The following PDS5B variants were observed in gnomAD, a reference collection of about 807,000 sequenced individuals.
PDS5B encodes the protein sister chromatid cohesion protein PDS5 homolog B.
A neutral mutation model predicts 184.1 loss-of-function variants in PDS5B; 51 were observed. That is an observed-to-expected ratio of 0.28 (90% CI 0.22 to 0.35). The LOEUF (loss-of-function observed/expected upper bound fraction) is 0.35, where lower values mean the gene tolerates loss of function less well. Ranked by LOEUF, PDS5B falls within the 10% of genes least tolerant of loss-of-function variation. The pLI, the probability that PDS5B is intolerant of heterozygous loss-of-function variation, is 1.00. For missense variants in PDS5B, 1,180 were observed against 1,723.3 expected (o/e 0.68, Z 5.58); for synonymous variants, 566 against 569.2 (o/e 0.99, Z 0.08).
chr13:32,641,860 C>T (rs768001858), intron 1 of PDS5B, among the ~76,000 whole-genome samples: 8 of 152,160 alleles, frequency 5.3e-5, no homozygotes, highest in Non-Finnish European at 1.0e-4. Flanking sequence ...CTAGAGCAAA[C>T]TTTATTTTTC....
rs950898637 is a variant in PDS5B at position 32,601,372 on chromosome 13, G to C, written c.-20+14779G>C. Among the ~76,000 whole-genome samples the C allele has an allele frequency of 3.3e-5, 5 of 152,264 alleles. No homozygotes were observed. In the East Asian group the frequency reaches 7.7e-4, roughly 23 times the overall value. On this transcript the variant is annotated intron_variant, in intron 1 of 34. Transcript: ENST00000315596. Reference sequence around the variant, plus strand: ...CTAACTTAATACACACCTTGTTTTAGAATAAGATAGAAACTCAGTATTGTT... The same window carrying C: ...CTAACTTAATACACACCTTGTTTTACAATAAGATAGAAACTCAGTATTGTT...
intron 30 of PDS5B, among the ~76,000 whole-genome samples, chr13:32,762,761 G>A (rs1255987072): frequency 6.6e-6 from 1 of 151,902 alleles, no homozygotes; most frequent in Non-Finnish European, 1.5e-5. Flanking sequence ...TCATCATTTA[G>A]TTCATTTTCT....
chr13:32,724,366 C>T (rs190580887), intron 19 of PDS5B, among the ~76,000 whole-genome samples: 61 of 152,246 alleles, frequency 4.0e-4, no homozygotes, highest in African/African-American at 1.3e-3. Flanking sequence ...CACCCTTCCT[C>T]CTCAAAAATT....
At chr13:32,713,978 A>G (rs939658363) in intron 19 of PDS5B, among the ~76,000 whole-genome samples, 3 of 152,226 alleles carry the variant, frequency 2.0e-5, no homozygotes, top group African/African-American at 7.2e-5. Flanking sequence ...GACAGAGTAC[A>G]AAAGAGAGAA....
At chr13:32,659,776 T>A (rs1456042032) in intron 6 of PDS5B, among the ~76,000 whole-genome samples, 4 of 152,208 alleles carry the variant, frequency 2.6e-5, no homozygotes, top group Non-Finnish European at 5.9e-5. Context: ...TTTTAGAAAA[T>A]GACTGAATCT....
At position 32,733,205 on chromosome 13, in the gene PDS5B, G is replaced by A. The variant is rs948517548; in HGVS notation, c.2247+981G>A. On this transcript the variant is annotated intron_variant, in intron 20 of 34. Transcript: ENST00000315596. ...GATGAGAGAAACACTGATATAAGTT[G>A]AATTTCAGAGTAGTTCTTTCATTTT... 1.3e-5 allele frequency among the ~76,000 whole-genome samples: 2 copies of A among 152,126 alleles called. 1 individual carries two copies. The highest frequency in any genetic ancestry group is 1.3e-4 in the Admixed American group (2 of 15,260).
intron 1 of PDS5B, among the ~76,000 whole-genome samples, chr13:32,641,132 T>C (rs569153371): frequency 6.6e-6 from 1 of 152,298 alleles, no homozygotes; most frequent in East Asian, 1.9e-4. Context: ...ATAGGCCAGT[T>C]TTATATGACT....
intron 5 of PDS5B, 71 bp from the exon 6 acceptor site, chr13:32,659,083 T>A: frequency 9.1e-7 from 1 of 1,101,268 alleles, no homozygotes; most frequent in South Asian, 2.4e-5. Flanking sequence ...ATAATGCTTG[T>A]CAGTGTCATC....
intron 1 of PDS5B, among the ~76,000 whole-genome samples, chr13:32,618,606 T>G (rs2058252473): frequency 6.6e-6 from 1 of 152,230 alleles, no homozygotes. Flanking sequence ...TTCTCCCTAG[T>G]TTCTCCTTTG....
chr13:32,751,661 A>G (rs1341226465), intron 24 of PDS5B, among the ~76,000 whole-genome samples: 1 of 152,136 alleles, frequency 6.6e-6, no homozygotes, highest in African/African-American at 2.4e-5. Flanking sequence ...TCTTCTTTTG[A>G]AAAGTGTCTA....
Position 32,770,253 on chromosome 13 carries a change from G to A in PDS5B, c.3757G>A (p.Gly1253Ser). 3 of 1,613,988 alleles carry A rather than the reference G, an allele frequency of 1.9e-6. No individual in the cohort carries two copies. Among genetic ancestry groups the A allele is most frequent in the Non-Finnish European group, 2.5e-6 (3 of 1,179,990 alleles). The change falls in exon 32 of 35, where the codon GGC becomes AGC. Residue 1253 changes from glycine (G) to serine (S), a missense_variant. This residue lies in a region of PDS5B where 465 missense variants were observed against 497.8 expected (regional missense o/e 0.93). Coordinates refer to ENST00000315596, the MANE Select transcript of PDS5B (RefSeq NM_015032.4). ...AGGCAGTCAGCGAAGTCGGAAAAGA[G>A]GCCATACGGCTTCAGAATCTGATGA... ...PKGSQRSRKR[G>S]HTASESDEQQ...
chr13:32,631,298 G>A (rs183381654), intron 1 of PDS5B, among the ~76,000 whole-genome samples: 87 of 151,624 alleles, frequency 5.7e-4, no homozygotes, highest in African/African-American at 2.0e-3. Flanking sequence ...TCACCATGTT[G>A]CCCAGGCTGG....
chr13:32,755,677 A>G (rs1038131224), intron 25 of PDS5B, among the ~76,000 whole-genome samples, 165 bp from the exon 26 acceptor site: 1 of 152,134 alleles, frequency 6.6e-6, no homozygotes. Flanking sequence ...GTATTTCAAT[A>G]TATTTTTCTT....
intron 6 of PDS5B, among the ~76,000 whole-genome samples, chr13:32,662,683 A>T (rs1367261638): frequency 6.6e-6 from 1 of 152,166 alleles, no homozygotes; most frequent in African/African-American, 2.4e-5. Flanking sequence ...GTGTAACTCC[A>T]TGGCTAAATG....
In PDS5B at chr13:32,709,837, AT is replaced by A. The variant is rs375678563; in HGVS notation, c.1963-101del. 2.1e-3 allele frequency: 1,295 copies of A among 609,594 alleles called. 21 individuals carry two copies. The African/African-American group carries it at 0.022, about 11-fold the overall frequency. 37.8% of individuals were successfully genotyped at this position (609,594 alleles called of 1,614,324 possible). On this transcript the variant is annotated intron_variant, in intron 18 of 34. Coordinates refer to ENST00000315596, the MANE Select transcript of PDS5B (RefSeq NM_015032.4). ...GTGCTCTCAGATTTTGGTCAACATA[AT>A]TTTTTTTAATAGACTTTGATTTATA...
rs759380696 is a variant in PDS5B, at chr13:32,760,756, G to A, written c.3518+36G>A. The A allele has an allele frequency of 3.9e-5, 62 of 1,588,910 alleles. No homozygotes were observed. In the African/African-American group the frequency reaches 7.7e-4, roughly 20 times the overall value. On this transcript the variant is annotated intron_variant, in intron 30 of 34. Coordinates refer to ENST00000315596, the MANE Select transcript of PDS5B (RefSeq NM_015032.4). ...AAGAAATGCCACAATTTACATTTAA[G>A]GATTCCAGCAAGGCTATGAGATCTG...
At chr13:32,593,575 A>G (rs1164356926) in intron 1 of PDS5B, among the ~76,000 whole-genome samples, 1 of 152,214 alleles carries the variant, frequency 6.6e-6, no homozygotes, top group African/African-American at 2.4e-5. Context: ...TACTGACCTC[A>G]GGTGATCCGC....
At chr13:32,764,171 G>C (rs1727030512) in intron 30 of PDS5B, among the ~76,000 whole-genome samples, 1 of 152,162 alleles carries the variant, frequency 6.6e-6, no homozygotes, top group Non-Finnish European at 1.5e-5. Flanking sequence ...AGGGCAGGTT[G>C]CAGTGTAGAC....
At chr13:32,610,603 A>G (rs1257293214) in intron 1 of PDS5B, among the ~76,000 whole-genome samples, 1 of 147,082 alleles carries the variant, frequency 6.8e-6, no homozygotes, top group Non-Finnish European at 1.5e-5. Flanking sequence ...AGTAGATCCA[A>G]CATTTGAACC....
Sources: gnomAD v4.1 joint callset for allele counts (sites outside exome capture counted in the v4.1 genomes callset) on GRCh38, gnomAD v4.1.1 for gene constraint, gnomAD v4.1.1 regional missense constraint, MANE v1.5 for transcripts, NCBI Gene and HGNC (gene_info 2026-07-23, HGNC 2026-07-21) for gene names.